The following GNA14 variants were observed in gnomAD, a reference collection of about 807,000 sequenced individuals.
GNA14 encodes the protein G protein subunit alpha 14.
A neutral mutation model predicts 42.0 loss-of-function variants in GNA14; 50 were observed. The ratio of observed to expected loss-of-function variants is 1.19; its 90% confidence interval spans 0.95 to 1.51. The LOEUF (loss-of-function observed/expected upper bound fraction) is 1.51. Ranked by LOEUF, GNA14 falls within the 40% of genes most tolerant of loss-of-function variation. GNA14 has a pLI of 0.00. For missense variants in GNA14, 473 were observed against 446.2 expected (o/e 1.06, Z -0.54); for synonymous variants, 173 against 163.1 (o/e 1.06, Z -0.46).
At chr9:77,536,988 G>A (rs957536214) in intron 1 of GNA14, among the ~76,000 whole-genome samples, 1 of 151,912 alleles carries the variant, frequency 6.6e-6, no homozygotes, top group Non-Finnish European at 1.5e-5. Context: ...TATTTATGGG[G>A]TACCTATGAA....
At position 77,608,985 on chromosome 9, in the gene GNA14, G is replaced by C. The variant is rs888209440; in HGVS notation, c.124+38685C>G. Reference sequence around the variant, plus strand: ...CAAATAGTGTTCAGCCACACCCTTAGTGTTCTTTTCAGAATAATCTTTCTC... The same window carrying C: ...CAAATAGTGTTCAGCCACACCCTTACTGTTCTTTTCAGAATAATCTTTCTC... On this transcript the variant is annotated intron_variant, in intron 1 of 6. Transcript: ENST00000341700. Among the ~76,000 whole-genome samples, 8 of 152,182 alleles carry C rather than the reference G, an allele frequency of 5.3e-5. No individual in the cohort carries two copies. The South Asian group carries it at 1.2e-3, about 24-fold the overall frequency.
At chr9:77,474,960 C>T (rs1340082375) in intron 2 of GNA14, among the ~76,000 whole-genome samples, 1 of 150,954 alleles carries the variant, frequency 6.6e-6, no homozygotes, top group Non-Finnish European at 1.5e-5. Flanking sequence ...TTCATAGAGA[C>T]ATAAACCGGA....
chr9:77,571,112 A>G (rs1424084716), intron 1 of GNA14, among the ~76,000 whole-genome samples: 2 of 151,248 alleles, frequency 1.3e-5, no homozygotes. Flanking sequence ...TGCTAGTAGT[A>G]GCATTTAAAC....
At chr9:77,540,983 T>C (rs1237192579) in intron 1 of GNA14, among the ~76,000 whole-genome samples, 1 of 152,180 alleles carries the variant, frequency 6.6e-6, no homozygotes, top group Non-Finnish European at 1.5e-5. Flanking sequence ...TGAAGTTTTG[T>C]TTTTGTCATA....
intron 1 of GNA14, among the ~76,000 whole-genome samples, chr9:77,565,521 A>C (rs1822954308): frequency 6.6e-6 from 1 of 152,182 alleles, no homozygotes; most frequent in Non-Finnish European, 1.5e-5. Context: ...GCAGTGGCAC[A>C]ATCTCGGCTC....
intron 2 of GNA14, among the ~76,000 whole-genome samples, chr9:77,498,290 T>C (rs1462749450): frequency 6.2e-5 from 9 of 144,388 alleles, no homozygotes; most frequent in African/African-American, 2.3e-4. Context: ...GGAGAATCAC[T>C]TGAACCCAGG....
chr9:77,597,925 G>A (rs776049767), intron 1 of GNA14, among the ~76,000 whole-genome samples: 18 of 152,042 alleles, frequency 1.2e-4, no homozygotes, highest in Non-Finnish European at 2.4e-4. Flanking sequence ...TTAGCTGGGC[G>A]TGGTGGTGCA....
chr9:77,551,842 T>C (rs143827224), intron 1 of GNA14, among the ~76,000 whole-genome samples: 111 of 152,090 alleles, frequency 7.3e-4, no homozygotes, highest in Middle Eastern at 3.4e-3. Flanking sequence ...AATACAGCCT[T>C]AATATAAAGA....
At chr9:77,470,564 T>A (rs1587781682) in intron 2 of GNA14, among the ~76,000 whole-genome samples, 1 of 152,280 alleles carries the variant, frequency 6.6e-6, no homozygotes, top group African/African-American at 2.4e-5. Flanking sequence ...AAGTGGTGAA[T>A]GCCTATGAAA....
chr9:77,604,265 A>G (rs1370852541), intron 1 of GNA14, among the ~76,000 whole-genome samples: 6 of 152,168 alleles, frequency 3.9e-5, no homozygotes, highest in Non-Finnish European at 8.8e-5. Flanking sequence ...AAGGTCTCAC[A>G]GACTGACAGT....
intron 1 of GNA14, among the ~76,000 whole-genome samples, chr9:77,557,165 C>T (rs1297159172): frequency 2.0e-5 from 3 of 151,890 alleles, no homozygotes; most frequent in African/African-American, 7.3e-5. Context: ...AGGAGGCATG[C>T]ACTACATGCA....
At chr9:77,453,994 G>C (rs950986482) in intron 2 of GNA14, among the ~76,000 whole-genome samples, 2 of 152,194 alleles carry the variant, frequency 1.3e-5, no homozygotes, top group Non-Finnish European at 2.9e-5. Context: ...GCTCAGAAGT[G>C]AAAGCTTCAT....
intron 4 of GNA14, among the ~76,000 whole-genome samples, chr9:77,430,306 T>C (rs1564011454): frequency 6.6e-6 from 1 of 152,206 alleles, no homozygotes. Flanking sequence ...CACCAGCCTC[T>C]AGAAAGTAAT....
At chr9:77,639,680 G>T (rs1203718545) in intron 1 of GNA14, among the ~76,000 whole-genome samples, 2 of 152,256 alleles carry the variant, frequency 1.3e-5, no homozygotes, top group Non-Finnish European at 2.9e-5. Context: ...GTCCTTGACA[G>T]TCTTGTCTGG....
chr9:77,470,021 G>A (rs1407866267), intron 2 of GNA14, among the ~76,000 whole-genome samples: 1 of 152,186 alleles, frequency 6.6e-6, no homozygotes, highest in African/African-American at 2.4e-5. Flanking sequence ...GACTCATAGT[G>A]ACATCAGGGA....
intron 2 of GNA14, among the ~76,000 whole-genome samples, chr9:77,524,226 T>C (rs1025107795): frequency 6.6e-6 from 1 of 152,200 alleles, no homozygotes; most frequent in Non-Finnish European, 1.5e-5. Flanking sequence ...TCTTCAAGGC[T>C]GTATCTTAAT....
intron 1 of GNA14, among the ~76,000 whole-genome samples, chr9:77,641,952 AC>A (rs1407214183): frequency 2.0e-5 from 3 of 152,218 alleles, no homozygotes; most frequent in African/African-American, 7.2e-5. Flanking sequence ...AAAAGGGCAT[AC>A]CTATGTTGTT....
At chr9:77,516,234 G>C (rs949052785) in intron 2 of GNA14, among the ~76,000 whole-genome samples, 13 of 152,174 alleles carry the variant, frequency 8.5e-5, no homozygotes, top group African/African-American at 3.1e-4. Context: ...CTCTTAGCTT[G>C]TGCTATTCAT....
intron 2 of GNA14, among the ~76,000 whole-genome samples, chr9:77,483,114 G>C (rs188247731): frequency 6.6e-6 from 1 of 152,284 alleles, no homozygotes; most frequent in African/African-American, 2.4e-5. Context: ...CGTTCCTTTG[G>C]AGGAGGAGAG....
Sources: allele counts gnomAD v4.1 joint callset (sites outside exome capture counted in the v4.1 genomes callset), GRCh38; gene constraint gnomAD v4.1.1; transcripts MANE v1.5; gene names NCBI Gene and HGNC (gene_info 2026-07-23, HGNC 2026-07-21).